The following PLCG2 variants were observed in gnomAD, a reference collection of about 807,000 sequenced individuals.
PLCG2 encodes 1-phosphatidylinositol 4,5-bisphosphate phosphodiesterase gamma-2.
In PLCG2, 69 loss-of-function variants were observed where a neutral mutation model predicts 175.6. That is an observed-to-expected ratio of 0.39 (90% confidence interval 0.32 to 0.48). The LOEUF (loss-of-function observed/expected upper bound fraction) is 0.48. Ranked by LOEUF, PLCG2 falls within the 20% of genes least tolerant of loss-of-function variation. The pLI is 0.91. For missense variants in PLCG2, 1,798 were observed against 1,650.9 expected (o/e 1.09, Z -1.54); for synonymous variants, 827 against 624.0 (o/e 1.33, Z -4.85).
chr16:81,818,883 A>ATGTTTTTTTTTT (rs1904669462), intron 2 of PLCG2, among the ~76,000 whole-genome samples: 1 of 106,644 alleles, frequency 9.4e-6, no homozygotes, highest in African/African-American at 4.0e-5. Context: ...GGGCTCATGG[A>ATGTTTTTTTTTT]TTTTTTTTTT....
chr16:81,879,078 G>C (rs926880962), intron 7 of PLCG2, among the ~76,000 whole-genome samples: 1 of 152,134 alleles, frequency 6.6e-6, no homozygotes, highest in East Asian at 1.9e-4. Context: ...CTCCCTGAGT[G>C]GGGGAATGCG....
chr16:81,904,109 A>G (rs4305012), intron 14 of PLCG2, among the ~76,000 whole-genome samples: 131,944 of 152,170 alleles, frequency 0.87, 57,728 homozygotes, highest in East Asian at 0.97. Flanking sequence ...TGAGGAAATT[A>G]TTCAAGGCCA....
intron 2 of PLCG2, among the ~76,000 whole-genome samples, chr16:81,853,340 A>AC (rs1906516525): frequency 6.6e-6 from 1 of 151,298 alleles, no homozygotes; most frequent in Non-Finnish European, 1.5e-5. Context: ...CAAAAAAAAA[A>AC]AACAAAACAA....
At chr16:81,888,133 C>G (rs1316820145) in intron 9 of PLCG2, among the ~76,000 whole-genome samples, 1 of 152,180 alleles carries the variant, frequency 6.6e-6, no homozygotes, top group Non-Finnish European at 1.5e-5. Context: ...CAATAAATGA[C>G]TTGCGGAGTT....
rs78628719 is a variant in PLCG2 at position 81,959,667 on chromosome 16, G to A, written c.*1669G>A. 0.034 allele frequency: 6,309 copies of A among 187,220 alleles called. 154 individuals are homozygous for A. The highest frequency in any genetic ancestry group is 0.068 in the African/African-American group (2,895 of 42,816). 11.6% of individuals were successfully genotyped at this position (187,220 alleles called of 1,614,324 possible). On this transcript the variant is annotated 3_prime_UTR_variant, in exon 33 of 33. Transcript: ENST00000564138. ...CTGAAGAAAGAACATTCCTCTTAGT[G>A]GCAGATGTTCAAAGCAACTTTCAAG...
At chr16:81,917,358 G>A (rs1353164408) in intron 19 of PLCG2, among the ~76,000 whole-genome samples, 1 of 151,980 alleles carries the variant, frequency 6.6e-6, no homozygotes, top group Non-Finnish European at 1.5e-5. Flanking sequence ...TATGAACATG[G>A]GAGTGCAGCT....
At chr16:81,855,203 A>AG (rs2143477343) in intron 3 of PLCG2, among the ~76,000 whole-genome samples, 1 of 151,948 alleles carries the variant, frequency 6.6e-6, no homozygotes, top group East Asian at 1.9e-4. Flanking sequence ...AAAAAAAAAA[A>AG]AAAAAGAGAA....
At chr16:81,757,981 T>C (rs1909963910) in intron 2 of PLCG2, among the ~76,000 whole-genome samples, 1 of 152,186 alleles carries the variant, frequency 6.6e-6, no homozygotes, top group South Asian at 2.1e-4. Context: ...TGTTTTGTTT[T>C]GTTTTGTTTT....
At chr16:81,800,030 G>A (rs1218318008) in intron 2 of PLCG2, among the ~76,000 whole-genome samples, 1 of 152,166 alleles carries the variant, frequency 6.6e-6, no homozygotes, top group Non-Finnish European at 1.5e-5. Context: ...TTGTGGCCAT[G>A]GACAAGTTAC....
rs534569919 is a variant in PLCG2 at position 81,785,815 on chromosome 16, C to G, written c.-47-128C>G. ...CTGAGTGGCCAGCGATGCCTTGCCA[C>G]TAGAACCTTCTCCTAAAACTCATCC... On this transcript the variant is annotated intron_variant, in intron 1 of 32. Coordinates refer to ENST00000564138, the MANE Select transcript of PLCG2 (RefSeq NM_002661.5). 4.9e-6 allele frequency: 3 copies of G among 611,378 alleles called. No individual in the cohort carries two copies. The African/African-American group carries it at 5.5e-5, about 11-fold the overall frequency. The allele number at this position is 611,378 out of a possible 1,614,324, so 37.9% of individuals were successfully genotyped here. A position where few individuals can be genotyped will look rare whatever the true frequency, so the allele number is the denominator to read the frequency against.
intron 1 of PLCG2, among the ~76,000 whole-genome samples, chr16:81,741,620 G>A (rs78081940): frequency 0.24 from 36,841 of 152,008 alleles, 5,272 homozygotes; most frequent in East Asian, 0.67. Context: ...GACCAGCCTG[G>A]CCAACATGGT....
At chr16:81,933,142 C>T (rs978194390) in intron 25 of PLCG2, among the ~76,000 whole-genome samples, 9 of 152,326 alleles carry the variant, frequency 5.9e-5, no homozygotes, top group East Asian at 1.9e-4. Context: ...TTGCTGTTGG[C>T]GGCCTTTGGT....
Position 81,882,554 on chromosome 16 carries a change from T to C in PLCG2, c.693-715T>C, listed in dbSNP as rs535242284. 1.2e-3 allele frequency among the ~76,000 whole-genome samples: 185 copies of C among 152,212 alleles called. 1 individual carries two copies. The highest frequency in any genetic ancestry group is 2.0e-3 in the Non-Finnish European group (136 of 68,010). ...TGGTGTGTCGAGCCCTGTCTGGGTATTGGATAGGCACACTCACATCCCTGT... is the reference window on the plus strand; with the variant it reads ...TGGTGTGTCGAGCCCTGTCTGGGTACTGGATAGGCACACTCACATCCCTGT... On this transcript the variant is annotated intron_variant, in intron 8 of 32. Coordinates refer to ENST00000564138, the MANE Select transcript of PLCG2 (RefSeq NM_002661.5).
intron 2 of PLCG2, among the ~76,000 whole-genome samples, chr16:81,848,911 C>T (rs1347994253): frequency 6.6e-6 from 1 of 152,142 alleles, no homozygotes; most frequent in Non-Finnish European, 1.5e-5. Context: ...GGGAGGTTTT[C>T]TGAGTTTGGT....
rs138350722 is a variant in PLCG2 at position 81,814,568 on chromosome 16, G to A, written c.193+28386G>A. On this transcript the variant is annotated intron_variant, in intron 2 of 32. Transcript: ENST00000564138. ...AAATTAGCCAGGCATGGTGGCATGTGCCTGTAATCCTAGCTACTCGGGAGG... is the reference window on the plus strand; with the variant it reads ...AAATTAGCCAGGCATGGTGGCATGTACCTGTAATCCTAGCTACTCGGGAGG... Among the ~76,000 whole-genome samples the A allele has an allele frequency of 1.3e-3, 193 of 152,240 alleles. 1 individual carries two copies. The highest frequency in any genetic ancestry group is 4.4e-3 in the African/African-American group (184 of 41,560).
At chr16:81,762,568 CAA>C (rs71391551) in intron 2 of PLCG2, among the ~76,000 whole-genome samples, 1 of 125,172 alleles carries the variant, frequency 8.0e-6, no homozygotes, top group Non-Finnish European at 1.7e-5. Flanking sequence ...GACTCCGTCT[CAA>C]AAAAAAAAAA....
intron 2 of PLCG2, among the ~76,000 whole-genome samples, chr16:81,760,056 G>T (rs936152421): frequency 6.6e-6 from 1 of 152,226 alleles, no homozygotes; most frequent in Non-Finnish European, 1.5e-5. Context: ...AACCTGGAAG[G>T]CGGAGCTTGC....
intron 23 of PLCG2, among the ~76,000 whole-genome samples, chr16:81,928,187 A>T (rs550202114): frequency 6.6e-6 from 1 of 152,146 alleles, no homozygotes; most frequent in African/African-American, 2.4e-5. Context: ...GGGGAGCCAC[A>T]GAAGGTTCTT....
At chr16:81,745,164 T>C (rs1909679322) in intron 1 of PLCG2, among the ~76,000 whole-genome samples, 1 of 152,182 alleles carries the variant, frequency 6.6e-6, no homozygotes, top group Non-Finnish European at 1.5e-5. Flanking sequence ...AAAGGTTGTG[T>C]TGGGTAACCC....
Sources: allele counts gnomAD v4.1 joint callset (sites outside exome capture counted in the v4.1 genomes callset), GRCh38; gene constraint gnomAD v4.1.1; transcripts MANE v1.5; gene names NCBI Gene and HGNC (gene_info 2026-07-23, HGNC 2026-07-21).